TRPM3: variants seen among roughly 807,000 people sequenced by gnomAD.
TRPM3 encodes the protein long transient receptor potential channel 3.
A neutral mutation model predicts 181.2 loss-of-function variants in TRPM3; 77 were observed. That is an observed-to-expected ratio of 0.42 (90% CI 0.35 to 0.51). TRPM3 has a LOEUF of 0.51. TRPM3 is among the 20% of genes least tolerant of loss of function. The probability of loss-of-function intolerance (pLI) is 0.01; values close to 1 mark genes in which losing one functional copy is unlikely to be tolerated. For missense variants in TRPM3, 1,759 were observed against 2,196.7 expected (o/e 0.80, Z 3.98); for synonymous variants, 745 against 796.4 (o/e 0.94, Z 1.09).
At chr9:71,064,913 G>T (rs987781760) in intron 1 of TRPM3, among the ~76,000 whole-genome samples, 1 of 152,102 alleles carries the variant, frequency 6.6e-6, no homozygotes, top group African/African-American at 2.4e-5. Flanking sequence ...AGTGTCTGGG[G>T]TAGGTTGTGG....
At chr9:71,301,993 T>G (rs555094332) in intron 1 of TRPM3, among the ~76,000 whole-genome samples, 2 of 152,314 alleles carry the variant, frequency 1.3e-5, no homozygotes, top group South Asian at 4.1e-4. Flanking sequence ...ACAGCGTTTG[T>G]GTTTATGCCC....
chr9:71,227,514 G>A (rs1015954297), intron 1 of TRPM3, among the ~76,000 whole-genome samples: 2 of 151,840 alleles, frequency 1.3e-5, no homozygotes, highest in Non-Finnish European at 2.9e-5. Flanking sequence ...AAATGACATT[G>A]AAATGAATAA....
At chr9:70,766,091 G>A (rs2079057196) in intron 7 of TRPM3, among the ~76,000 whole-genome samples, 1 of 152,142 alleles carries the variant, frequency 6.6e-6, no homozygotes, top group Admixed American at 6.6e-5. Flanking sequence ...AGTCATTGAA[G>A]TGAGGCAGAT....
intron 1 of TRPM3, among the ~76,000 whole-genome samples, chr9:71,101,616 C>A (rs2068404720): frequency 6.6e-6 from 1 of 152,114 alleles, no homozygotes; most frequent in East Asian, 1.9e-4. Flanking sequence ...CACAAAAAGT[C>A]TTTCATTGGA....
At chr9:70,832,774 CA>C (rs995567828) in intron 5 of TRPM3, among the ~76,000 whole-genome samples, 2 of 152,124 alleles carry the variant, frequency 1.3e-5, no homozygotes, top group Non-Finnish European at 2.9e-5. Context: ...TATTTTCAAG[CA>C]TTTTTGGTCT....
chr9:71,092,693 A>C (rs2066423705), intron 1 of TRPM3, among the ~76,000 whole-genome samples: 1 of 152,152 alleles, frequency 6.6e-6, no homozygotes, highest in African/African-American at 2.4e-5. Flanking sequence ...CATTCATTTA[A>C]ATTGACAAAA....
At chr9:70,956,933 TTTTAA>T (rs889513493) in intron 1 of TRPM3, among the ~76,000 whole-genome samples, 1 of 149,110 alleles carries the variant, frequency 6.7e-6, no homozygotes, top group African/African-American at 2.5e-5. Context: ...TTAAAAAAAA[TTTTAA>T]TTTTAGTTAC....
intron 18 of TRPM3, among the ~76,000 whole-genome samples, chr9:70,614,742 G>A (rs1352617986): frequency 1.3e-5 from 2 of 152,192 alleles, no homozygotes; most frequent in Non-Finnish European, 2.9e-5. Flanking sequence ...AGGTCACACA[G>A]CAAGTAGGTA....
intron 1 of TRPM3, among the ~76,000 whole-genome samples, chr9:70,904,160 C>A (rs1362461698): frequency 6.6e-6 from 1 of 152,108 alleles, no homozygotes; most frequent in Non-Finnish European, 1.5e-5. Context: ...GAGGTCAAGG[C>A]TGCAGTGAGC....
intron 6 of TRPM3, among the ~76,000 whole-genome samples, chr9:70,819,564 C>T (rs1328498669): frequency 2.0e-5 from 3 of 152,112 alleles, no homozygotes; most frequent in Non-Finnish European, 4.4e-5. Context: ...AAAAACAGAG[C>T]TTCAAATTCT....
At chr9:71,360,695 T>C (rs1166458414) in intron 1 of TRPM3, among the ~76,000 whole-genome samples, 1 of 152,202 alleles carries the variant, frequency 6.6e-6, no homozygotes, top group African/African-American at 2.4e-5. Flanking sequence ...ATCAGCTCTC[T>C]TTGGAATCAG....
intron 1 of TRPM3, among the ~76,000 whole-genome samples, chr9:71,102,054 A>G (rs2068493212): frequency 6.6e-6 from 1 of 152,206 alleles, no homozygotes; most frequent in African/African-American, 2.4e-5. Flanking sequence ...ATATATTTTA[A>G]TCATCTTCTC....
intron 1 of TRPM3, among the ~76,000 whole-genome samples, chr9:71,127,732 G>A (rs1290552127): frequency 6.6e-6 from 1 of 152,214 alleles, no homozygotes; most frequent in Admixed American, 6.5e-5. Flanking sequence ...ACCACTGGCA[G>A]TGTATGTAGC....
chr9:71,373,720 T>C (rs937897566), intron 1 of TRPM3, among the ~76,000 whole-genome samples: 3 of 152,062 alleles, frequency 2.0e-5, no homozygotes, highest in Admixed American at 1.3e-4. Context: ...TGGTACCATT[T>C]CTACTGAAAT....
intron 4 of TRPM3, among the ~76,000 whole-genome samples, chr9:70,844,225 T>C (rs547063160): frequency 6.6e-6 from 1 of 152,262 alleles, no homozygotes; most frequent in South Asian, 2.1e-4. Flanking sequence ...ACCAGGCAAT[T>C]TAATCATGGG....
At chr9:71,153,665 G>C (rs900682408) in intron 1 of TRPM3, among the ~76,000 whole-genome samples, 1 of 151,988 alleles carries the variant, frequency 6.6e-6, no homozygotes, top group African/African-American at 2.4e-5. Context: ...TTTTATCTCA[G>C]GATAATTTTG....
intron 7 of TRPM3, among the ~76,000 whole-genome samples, chr9:70,770,236 T>A (rs1309705872): frequency 6.6e-6 from 1 of 152,090 alleles, no homozygotes; most frequent in Non-Finnish European, 1.5e-5. Context: ...CTCAAAAACA[T>A]ATATTTGGTT....
chr9:71,246,464 G>C (rs1457374705), intron 1 of TRPM3, among the ~76,000 whole-genome samples: 2 of 152,090 alleles, frequency 1.3e-5, no homozygotes, highest in Admixed American at 6.6e-5. Flanking sequence ...TTAGCACATG[G>C]TTCCGGAAAA....
At chr9:71,234,875 T>C (rs1300536303) in intron 1 of TRPM3, among the ~76,000 whole-genome samples, 1 of 152,226 alleles carries the variant, frequency 6.6e-6, no homozygotes, top group African/African-American at 2.4e-5. Context: ...AAATAAAACA[T>C]TCACACTGTG....
Sources: gnomAD v4.1 joint callset for allele counts (sites outside exome capture counted in the v4.1 genomes callset) on GRCh38, gnomAD v4.1.1 for gene constraint, MANE v1.5 for transcripts, NCBI Gene and HGNC (gene_info 2026-07-23, HGNC 2026-07-21) for gene names.